UGT2B7: variants seen among roughly 807,000 people sequenced by gnomAD.
UGT2B7 encodes UDP-glucuronosyltransferase 2B7.
A neutral mutation model predicts 51.9 loss-of-function variants in UGT2B7; 51 were observed. The observed-to-expected ratio is 0.98, with a 90% CI of 0.78 to 1.24. UGT2B7 has a LOEUF of 1.24. Among genes scored for constraint, UGT2B7 ranks in the 50% most tolerant of loss-of-function variants. The probability of loss-of-function intolerance (pLI) is 0.00; values close to 1 mark genes in which losing one functional copy is unlikely to be tolerated. For synonymous variants in UGT2B7, 225 were observed against 211.6 expected, an observed-to-expected ratio of 1.06 and a Z score of -0.55; for missense variants, 727 against 628.4, an observed-to-expected ratio of 1.16 and a Z score of -1.68.
At chr4:69,068,777 T>C (rs1430213836) in intron 1 of UGT2B7, among the ~76,000 whole-genome samples, 1 of 151,982 alleles carries the variant, frequency 6.6e-6, no homozygotes, top group Non-Finnish European at 1.5e-5. Flanking sequence ...GTGCCATACT[T>C]TAGCACTTTT....
intron 1 of UGT2B7, among the ~76,000 whole-genome samples, chr4:69,053,330 T>C (rs2109856713): frequency 6.6e-6 from 1 of 152,318 alleles, no homozygotes; most frequent in East Asian, 1.9e-4. Flanking sequence ...AAGGAAACAT[T>C]CATTTTACTA....
intron 1 of UGT2B7, among the ~76,000 whole-genome samples, chr4:69,077,608 T>C: frequency 6.6e-6 from 1 of 151,906 alleles, no homozygotes; most frequent in South Asian, 2.1e-4. Flanking sequence ...ATAGGAATGC[T>C]TGTGATTTTT....
Position 69,096,883 on chromosome 4 carries a change from C to T in UGT2B7, c.363C>T (p.Asp121=). 2 of 1,613,044 alleles carry T rather than the reference C, an allele frequency of 1.2e-6. No individual in the cohort carries two copies. Among genetic ancestry groups the T allele is most frequent in the Non-Finnish European group, 1.7e-6 (2 of 1,179,726 alleles). The part of the protein sequence containing the change: ...QVQEIMSIFG[D]ITRKFCKDVV... ...AGGAAATCATGTCAATATTTGGTGACATAACTAGAAAGTTCTGTAAAGATG... is the reference window on the plus strand; with the variant it reads ...AGGAAATCATGTCAATATTTGGTGATATAACTAGAAAGTTCTGTAAAGATG... Residue 121 remains aspartate, a synonymous_variant, in exon 1 of 6, where the codon GAC becomes GAT. Coordinates refer to ENST00000305231, the MANE Select transcript of UGT2B7 (RefSeq NM_001074.4).
intron 1 of UGT2B7, among the ~76,000 whole-genome samples, chr4:69,052,062 T>A (rs1718033045): frequency 6.6e-6 from 1 of 151,886 alleles, no homozygotes; most frequent in Non-Finnish European, 1.5e-5. Flanking sequence ...CAAGAAAGGA[T>A]TTAATGGAGA....
chr4:69,098,511 T>C (rs763376765), intron 1 of UGT2B7, 29 bp from the exon 2 acceptor site: 40 of 1,533,062 alleles, frequency 2.6e-5, no homozygotes, highest in Non-Finnish European at 2.9e-5. Flanking sequence ...TCTTGTGTCA[T>C]CCACCTTTTT....
chr4:69,107,345 G>A (rs1316360659), intron 4 of UGT2B7, 83 bp downstream of exon 4: 2 of 1,405,332 alleles, frequency 1.4e-6, no homozygotes, highest in Non-Finnish European at 1.9e-6. Flanking sequence ...CAAGCTTATT[G>A]AATATTTGTT....
intron 1 of UGT2B7, among the ~76,000 whole-genome samples, chr4:69,051,814 G>T (rs1244603750): frequency 6.6e-6 from 1 of 152,236 alleles, no homozygotes; most frequent in Non-Finnish European, 1.5e-5. Flanking sequence ...TTCTGGTTTT[G>T]ACTTGACTTG....
chr4:69,083,456 G>A lies in UGT2B7; in HGVS notation c.-158-6016G>A, dbSNP rs537862902. 3.3e-5 allele frequency among the ~76,000 whole-genome samples: 5 copies of A among 152,138 alleles called. No individual in the cohort carries two copies. In the South Asian group the frequency reaches 8.3e-4, roughly 25 times the overall value. ...TTCTGATTCATAGGAGCAGGTCAAC[G>A]TATAAATATTAACAGGAGTTTGGAA... On this transcript the variant is annotated intron_variant, in intron 1 of 5. Coordinates refer to the UGT2B7 transcript ENST00000502942.
In UGT2B7 at chr4:69,112,653, A is replaced by G. The variant is rs2109897851; in HGVS notation, c.1507A>G (p.Thr503Ala). The change falls in exon 6 of 6, where the codon ACT becomes GCT. Residue 503 changes from threonine to alanine, a missense_variant. Transcript: ENST00000305231. The stretch of plus-strand genomic sequence containing the variant: ...TGGGTTCCTGCTGGTCTGTGTGGCA[A>G]CTGTGATATTTATCGTCACAAAATG... ...VIGFLLVCVATVIFIVTKCCL... is the reference protein window; with the variant it reads ...VIGFLLVCVAAVIFIVTKCCL... 6.2e-7 allele frequency: 1 copy of G among 1,613,974 alleles called. No individual in the cohort carries two copies. The highest frequency in any genetic ancestry group is 8.5e-7 in the Non-Finnish European group (1 of 1,179,888).
chr4:69,097,486 G>T (rs1281237835), intron 1 of UGT2B7, among the ~76,000 whole-genome samples: 2 of 152,042 alleles, frequency 1.3e-5, no homozygotes, highest in Non-Finnish European at 2.9e-5. Flanking sequence ...ATACATTAGT[G>T]CATCTAAGAC....
At chr4:69,058,168 G>C (rs567732514) in intron 1 of UGT2B7, among the ~76,000 whole-genome samples, 10 of 152,284 alleles carry the variant, frequency 6.6e-5, no homozygotes, top group African/African-American at 2.4e-4. Flanking sequence ...CAAACACAGA[G>C]ACAAAAAGAA....
At chr4:69,065,119 T>A (rs1250143963) in intron 1 of UGT2B7, among the ~76,000 whole-genome samples, 2 of 152,124 alleles carry the variant, frequency 1.3e-5, no homozygotes, top group African/African-American at 4.8e-5. Context: ...TTGAAATGTA[T>A]CATGGAGTTT....
intron 5 of UGT2B7, among the ~76,000 whole-genome samples, chr4:69,112,039 C>T (rs1430947752): frequency 1.3e-5 from 2 of 152,136 alleles, no homozygotes; most frequent in African/African-American, 2.4e-5. Flanking sequence ...GAAGTAAAAA[C>T]TAAAAGGCAG....
intron 1 of UGT2B7, among the ~76,000 whole-genome samples, chr4:69,068,817 T>C (rs1274344603): frequency 1.3e-5 from 2 of 152,156 alleles, no homozygotes; most frequent in South Asian, 2.1e-4. Context: ...GAGATACTTA[T>C]ATGCATCCTT....
chr4:69,080,541 C>T (rs900329649), intron 1 of UGT2B7, among the ~76,000 whole-genome samples: 13 of 117,774 alleles, frequency 1.1e-4, no homozygotes, highest in Non-Finnish European at 1.7e-4. Flanking sequence ...GAGCAAGACT[C>T]CGTCTCAAAA....
chr4:69,109,972 C>T (rs574998729), intron 5 of UGT2B7, among the ~76,000 whole-genome samples: 1 of 150,994 alleles, frequency 6.6e-6, no homozygotes, highest in East Asian at 1.9e-4. Context: ...CCAGCTTGGA[C>T]AAATAGAAAA....
chr4:69,086,025 A>G (rs1718947326), intron 1 of UGT2B7, among the ~76,000 whole-genome samples: 1 of 151,510 alleles, frequency 6.6e-6, no homozygotes, highest in Non-Finnish European at 1.5e-5. Flanking sequence ...AATCTTTATT[A>G]TATCCCTTTT....
At chr4:69,073,730 G>T (rs1668669572) in intron 1 of UGT2B7, among the ~76,000 whole-genome samples, 1 of 92,210 alleles carries the variant, frequency 1.1e-5, no homozygotes, top group Non-Finnish European at 2.1e-5. Flanking sequence ...AAAACAACTA[G>T]AAACAAGAGA....
chr4:69,105,232 A>T (rs1719559316), intron 3 of UGT2B7, among the ~76,000 whole-genome samples: 1 of 152,186 alleles, frequency 6.6e-6, no homozygotes, highest in African/African-American at 2.4e-5. Context: ...CCAGGCACAG[A>T]AACAACTTCA....
Sources: allele counts gnomAD v4.1 joint callset (sites outside exome capture counted in the v4.1 genomes callset), GRCh38; gene constraint gnomAD v4.1.1; transcripts MANE v1.5; gene names NCBI Gene and HGNC (gene_info 2026-07-23, HGNC 2026-07-21).